The following SPRY2 variants were observed in gnomAD, a reference collection of about 807,000 sequenced individuals.
The protein encoded by SPRY2 is protein sprouty homolog 2.
A neutral mutation model predicts 23.4 loss-of-function variants in SPRY2; 10 were observed. The ratio of observed to expected loss-of-function variants is 0.43; its 90% CI spans 0.26 to 0.73. The LOEUF is 0.73. Ranked by LOEUF, SPRY2 falls within the 30% of genes least tolerant of loss-of-function variation. The pLI is 0.22. For missense variants in SPRY2, 344 were observed against 396.9 expected (o/e 0.87, Z 1.13); for synonymous variants, 170 against 156.9 (o/e 1.08, Z -0.62).
chr13:80,338,277 C>T (rs75872222), intron 1 of SPRY2, among the ~76,000 whole-genome samples: 2 of 152,242 alleles, frequency 1.3e-5, no homozygotes, highest in East Asian at 3.9e-4. Flanking sequence ...CTTTTTCAAA[C>T]CAGGTAGAAT....
At position 80,337,513 on chromosome 13, in the gene SPRY2, G is replaced by C. The variant is rs1880325290; in HGVS notation, c.193C>G (p.Pro65Ala). ...GGGCGAGGAGCAGGCTTGAGCCCAGGTCTTGGGACGACAGTAGGCCCCTCT... is the reference window on the plus strand; with the variant it reads ...GGGCGAGGAGCAGGCTTGAGCCCAGCTCTTGGGACGACAGTAGGCCCCTCT... ...YTEGPTVVPR[P>A]GLKPAPRPST... is the part of the protein sequence containing the mutation. Residue 65 changes from proline to alanine, a missense_variant, in exon 2 of 2, where the codon CCT becomes GCT. Physicochemically the swap from Pro to Ala is conservative, Grantham distance 27. Transcript: ENST00000377104. The C allele has an allele frequency of 1.2e-6, 2 of 1,614,070 alleles. No homozygotes were observed. Among genetic ancestry groups the C allele is most frequent in the African/African-American group, 1.3e-5 (1 of 74,934 alleles).
At chr13:80,339,443 T>C (rs1880423780) in intron 1 of SPRY2, 1 of 152,134 alleles carries the variant, frequency 6.6e-6, no homozygotes. Context: ...AAGGGCATTT[T>C]CCAGGGTCCC....
chr13:80,337,527 G>C lies in SPRY2; in HGVS notation c.179C>G (p.Thr60Ser). Residue 60 changes from threonine to serine, a missense_variant, in exon 2 of 2, where the codon ACT becomes AGT. Thr to Ser is a moderately conservative substitution (Grantham distance 58). Transcript: ENST00000377104. ...CTTGAGCCCAGGTCTTGGGACGACA[G>C]TAGGCCCCTCTGTGTACTCATTGGT... ...RNTNEYTEGPTVVPRPGLKPA... is the reference protein window; with the variant it reads ...RNTNEYTEGPSVVPRPGLKPA... The C allele has an allele frequency of 6.2e-7, 1 of 1,614,204 alleles. No homozygotes were observed. The highest frequency in any genetic ancestry group is 8.5e-7 in the Non-Finnish European group (1 of 1,180,038).
chr13:80,337,193 C>G lies in SPRY2; in HGVS notation c.513G>C (p.Leu171Phe). 1 of 1,612,274 alleles carries G rather than the reference C, an allele frequency of 6.2e-7. No individual in the cohort carries two copies. The highest frequency in any genetic ancestry group is 8.5e-7 in the Non-Finnish European group (1 of 1,178,424). ...CCTCACACCTGTAGGCGTGCAGGCCCAAATCTTCCTTGCTCAGTGGCTTAA... is the reference window on the plus strand; with the variant it reads ...CCTCACACCTGTAGGCGTGCAGGCCGAAATCTTCCTTGCTCAGTGGCTTAA... ...GELKPLSKED[L>F]GLHAYRCEDC... Residue 171 changes from leucine to phenylalanine, a missense_variant, in exon 2 of 2, where the codon TTG becomes TTC. Physicochemically the swap from Leu to Phe is conservative, Grantham distance 22. Transcript: ENST00000377104.
rs1481697368 is a variant in SPRY2, at chr13:80,337,082, C to T, written c.624G>A (p.Ser208=). The T allele has an allele frequency of 1.9e-5, 30 of 1,614,218 alleles. No individual in the cohort carries two copies. Among genetic ancestry groups the T allele is most frequent in the Middle Eastern group, 1.7e-4 (1 of 6,060 alleles). ...TCCCATAGTCAATCACGTTCTGGGC[C>T]GAGCAAAGGCACTGCTTGTCGCAGA... ...DWICDKQCLC[S]AQNVIDYGTC... Residue 208 remains serine (S), a synonymous_variant, in exon 2 of 2, where the codon TCG becomes TCA. Coordinates refer to ENST00000377104, the MANE Select transcript of SPRY2 (RefSeq NM_005842.4).
intron 1 of SPRY2, among the ~76,000 whole-genome samples, 184 bp from the exon 2 acceptor site, chr13:80,337,940 C>T (rs1593914561): frequency 6.6e-6 from 1 of 152,174 alleles, no homozygotes; most frequent in African/African-American, 2.4e-5. Context: ...TTACGGCGGG[C>T]TACTGACAAT....
rs1368675597 is a variant in SPRY2, at chr13:80,336,598, A to G, written c.*160T>C. ...CTGAGTTCTAACAAGCATATCAGTT[A>G]AAACGGCACATGGACAAAAAGCATT... On this transcript the variant is annotated 3_prime_UTR_variant, in exon 2 of 2. Transcript: ENST00000377104. 3.8e-6 allele frequency: 3 copies of G among 799,982 alleles called. No homozygotes were observed. The highest frequency in any genetic ancestry group is 1.7e-5 in the African/African-American group (1 of 58,284). The allele number at this position is 799,982 out of a possible 1,614,324, so 49.6% of individuals were successfully genotyped here.
chr13:80,336,782 A>AG lies in SPRY2; in HGVS notation c.923dup (p.Arg309Ter). ...GCTATGTTGGTTTTTCAAAGTTCCT[A>AG]GGGGGGACAGTGGGAACTTTGCAGC... is the stretch of plus-strand genomic sequence containing the variant. On this transcript the variant is annotated frameshift_variant, in exon 2 of 2. Coordinates refer to ENST00000377104, the MANE Select transcript of SPRY2 (RefSeq NM_005842.4). LOFTEE classifies it high-confidence loss of function. 1 of 1,614,004 alleles carries AG rather than the reference A, an allele frequency of 6.2e-7. No homozygotes were observed. Among genetic ancestry groups the AG allele is most frequent in the East Asian group, 2.2e-5 (1 of 44,872 alleles).
Position 80,336,495 on chromosome 13 carries a change from T to TAGG in SPRY2, c.*260_*262dup, listed in dbSNP as rs1880256633. On this transcript the variant is annotated 3_prime_UTR_variant, in exon 2 of 2. Transcript: ENST00000377104. ...ACTATTCACAAACAAAAACTTTGCC[T>TAGG]AGGAGTGTCTGTGTTGCTTTAGCTT... 3 of 538,684 alleles carry TAGG rather than the reference T, an allele frequency of 5.6e-6. No individual in the cohort carries two copies. Among genetic ancestry groups the TAGG allele is most frequent in the Non-Finnish European group, 1.0e-5 (3 of 300,544 alleles). The allele number at this position is 538,684 out of a possible 1,614,324, so 33.4% of individuals were successfully genotyped here.
rs947045056 is a variant in SPRY2 at position 80,337,777 on chromosome 13, G to T, written c.-51-21C>A. ...AACTCCTGAGGAAGCCAAGAGGAAA[G>T]AACGGTTGATACTCTAAGATACTTC... is the stretch of plus-strand genomic sequence containing the variant. On this transcript the variant is annotated intron_variant, in intron 1 of 1. Coordinates refer to ENST00000377104, the MANE Select transcript of SPRY2 (RefSeq NM_005842.4). 1.0e-5 allele frequency: 14 copies of T among 1,406,628 alleles called. No homozygotes were observed. The African/African-American group carries it at 1.8e-4, about 18-fold the overall frequency. The allele number at this position is 1,406,628 out of a possible 1,614,324, so 87.1% of individuals were successfully genotyped here. A position where few individuals can be genotyped will look rare whatever the true frequency, so the allele number is the denominator to read the frequency against.
chr13:80,338,492 T>A (rs1022857705), intron 1 of SPRY2, among the ~76,000 whole-genome samples: 3 of 152,224 alleles, frequency 2.0e-5, no homozygotes, highest in Non-Finnish European at 2.9e-5. Flanking sequence ...TATTTTACAG[T>A]CTGATAGCCT....
chr13:80,339,356 C>G (rs543834299), intron 1 of SPRY2: 1 of 152,022 alleles, frequency 6.6e-6, no homozygotes, highest in Admixed American at 6.5e-5. Flanking sequence ...TCTGCACACG[C>G]CTATCTCCTT....
chr13:80,341,026 C>G lies in SPRY2; in HGVS notation c.-456G>C, dbSNP rs894972425. 6.8e-6 allele frequency: 1 copy of G among 147,950 alleles called. No homozygotes were observed. The highest frequency in any genetic ancestry group is 1.8e-4 in the South Asian group (1 of 5,588). 9.2% of individuals were successfully genotyped at this position (147,950 alleles called of 1,614,324 possible). ...AGCGGAGGCGGCGCGGGGGCGCGGG[C>G]CGGGCCGGGCCGGGCGGGCGCGGGG... On this transcript the variant is annotated 5_prime_UTR_variant, in exon 1 of 2. Coordinates refer to ENST00000377104, the MANE Select transcript of SPRY2 (RefSeq NM_005842.4).
rs754152420 is a variant in SPRY2, at chr13:80,337,052, A to G, written c.654T>C (p.Cys218=). The change falls in exon 2 of 2, where the codon TGT becomes TGC. Residue 218 remains cysteine, a synonymous_variant. Transcript: ENST00000377104. Reference sequence around the variant, plus strand: ...AGAAGAGACCTTTCACACAGCATACACAAGTCCCATAGTCAATCACGTTCT... The same window carrying G: ...AGAAGAGACCTTTCACACAGCATACGCAAGTCCCATAGTCAATCACGTTCT... ...SAQNVIDYGT[C]VCCVKGLFYH... 6.2e-6 allele frequency: 10 copies of G among 1,614,088 alleles called. No homozygotes were observed. The African/African-American group carries it at 9.3e-5, about 15-fold the overall frequency.
chr13:80,336,950 T>C lies in SPRY2; in HGVS notation c.756A>G (p.Arg252=). Residue 252 remains arginine, a synonymous_variant, in exon 2 of 2, where the codon CGA becomes CGG. Transcript: ENST00000377104. ...CSCSQSHCCT[R]WSAMGVMSLF... The stretch of plus-strand genomic sequence containing the variant: ...GGGACATGACACCCATGGCTGACCA[T>C]CGTGTACAACAGTGAGACTGGCTGC... 6.2e-7 allele frequency: 1 copy of C among 1,614,178 alleles called. No homozygotes were observed. Among genetic ancestry groups the C allele is most frequent in the Non-Finnish European group, 8.5e-7 (1 of 1,180,024 alleles).
Position 80,337,091 on chromosome 13 carries a change from G to A in SPRY2, c.615C>T (p.Cys205=). Residue 205 remains cysteine (C), a synonymous_variant, in exon 2 of 2, where the codon TGC becomes TGT. Transcript: ENST00000377104. The stretch of plus-strand genomic sequence containing the variant: ...CAATCACGTTCTGGGCCGAGCAAAG[G>A]CACTGCTTGTCGCAGATCCAGTCTG... ...LPSDWICDKQ[C]LCSAQNVIDY... 3 of 1,614,232 alleles carry A rather than the reference G, an allele frequency of 1.9e-6. No individual in the cohort carries two copies. Among genetic ancestry groups the A allele is most frequent in the Middle Eastern group, 1.6e-4 (1 of 6,062 alleles).
Position 80,337,391 on chromosome 13 carries a change from G to A in SPRY2, c.315C>T (p.Ala105=), listed in dbSNP as rs200799879. The A allele has an allele frequency of 6.2e-7, 1 of 1,614,170 alleles. No individual in the cohort carries two copies. Among genetic ancestry groups the A allele is most frequent in the African/African-American group, 1.3e-5 (1 of 75,068 alleles). ...CCGTGCTTATGGATCTGGACAGAGG[G>A]GCTCGTGCAGAAGAATGGACCTGCG... ...QHSQVHSSAR[A]PLSRSISTVS... is the part of the protein sequence containing the mutation. The change falls in exon 2 of 2, where the codon GCC becomes GCT. Residue 105 remains alanine (A), a synonymous_variant. Coordinates refer to ENST00000377104, the MANE Select transcript of SPRY2 (RefSeq NM_005842.4).
intron 1 of SPRY2, 106 bp from the exon 2 acceptor site, chr13:80,337,862 T>C: frequency 1.4e-6 from 1 of 739,260 alleles, no homozygotes; most frequent in Non-Finnish European, 2.4e-6. Flanking sequence ...GAAACAGGAT[T>C]TGAAATGGAA....
intron 1 of SPRY2, among the ~76,000 whole-genome samples, chr13:80,339,832 A>T (rs1330706958): frequency 1.3e-5 from 2 of 152,068 alleles, no homozygotes; most frequent in South Asian, 2.1e-4. Flanking sequence ...AAAAGGAAAT[A>T]AAAAATTGCC....
Sources: allele counts gnomAD v4.1 joint callset (sites outside exome capture counted in the v4.1 genomes callset), GRCh38; gene constraint gnomAD v4.1.1; transcripts MANE v1.5; gene names NCBI Gene and HGNC (gene_info 2026-07-23, HGNC 2026-07-21).